The following CCSER1 variants were observed in gnomAD, a reference collection of about 807,000 sequenced individuals.
CCSER1 encodes serine-rich coiled-coil domain-containing protein 1.
In CCSER1, 41 loss-of-function variants were observed where a neutral mutation model predicts 82.0. The observed-to-expected ratio is 0.50, with a 90% CI of 0.39 to 0.65. The LOEUF is 0.65. Ranked by LOEUF, CCSER1 falls within the 30% of genes least tolerant of loss-of-function variation. CCSER1 has a pLI of 0.00. For synonymous variants in CCSER1, 414 were observed against 383.9 expected, an observed-to-expected ratio of 1.08 and a Z score of -0.92; for missense variants, 1,119 against 1,064.2, an observed-to-expected ratio of 1.05 and a Z score of -0.72.
intron 3 of CCSER1, among the ~76,000 whole-genome samples, chr4:90,361,504 T>A (rs1413698809): frequency 2.0e-5 from 3 of 152,224 alleles, no homozygotes; most frequent in South Asian, 2.1e-4. Flanking sequence ...TTTTAAAAAA[T>A]TTTAAGTTTT....
chr4:91,048,895 G>A (rs141166731), intron 9 of CCSER1, among the ~76,000 whole-genome samples: 181 of 152,174 alleles, frequency 1.2e-3, no homozygotes, highest in Middle Eastern at 6.8e-3. Context: ...GATTCTCTGC[G>A]AGTTCATCCC....
chr4:91,448,303 G>T (rs1755683270), intron 10 of CCSER1, among the ~76,000 whole-genome samples: 1 of 151,920 alleles, frequency 6.6e-6, no homozygotes, highest in Admixed American at 6.6e-5. Context: ...CACACTTTCT[G>T]TAAATTCTCC....
chr4:91,131,331 CTT>C (rs34209878), intron 10 of CCSER1, among the ~76,000 whole-genome samples: 230 of 137,716 alleles, frequency 1.7e-3, no homozygotes, highest in African/African-American at 3.0e-3. Context: ...GTTCTCCCCT[CTT>C]TTTTTTTTTT....
chr4:90,646,911 A>C (rs547856968), intron 6 of CCSER1, among the ~76,000 whole-genome samples: 1 of 152,200 alleles, frequency 6.6e-6, no homozygotes, highest in South Asian at 2.1e-4. Flanking sequence ...ATTTCCTTAC[A>C]CAGAACGCAA....
chr4:90,233,036 C>A (rs1463757290), intron 1 of CCSER1, among the ~76,000 whole-genome samples: 3 of 151,898 alleles, frequency 2.0e-5, no homozygotes, highest in African/African-American at 7.3e-5. Context: ...GGACTGTAAG[C>A]TAGTTCAACC....
At chr4:90,529,152 A>G (rs1177851010) in intron 5 of CCSER1, among the ~76,000 whole-genome samples, 5 of 152,268 alleles carry the variant, frequency 3.3e-5, no homozygotes, top group Admixed American at 2.0e-4. Flanking sequence ...ATGTTGTAGT[A>G]CATGTATATA....
chr4:90,454,805 A>G (rs1325786511), intron 4 of CCSER1, among the ~76,000 whole-genome samples: 1 of 152,196 alleles, frequency 6.6e-6, no homozygotes, highest in Non-Finnish European at 1.5e-5. Context: ...AAGCCTCTAT[A>G]TGCAAATGTC....
chr4:90,457,599 G>A (rs758931096), intron 4 of CCSER1, among the ~76,000 whole-genome samples: 4 of 152,202 alleles, frequency 2.6e-5, no homozygotes, highest in African/African-American at 4.8e-5. Flanking sequence ...CCCACAGTGG[G>A]TAGCTCCTCC....
At chr4:90,718,049 C>A (rs1741968374) in intron 6 of CCSER1, among the ~76,000 whole-genome samples, 1 of 151,816 alleles carries the variant, frequency 6.6e-6, no homozygotes, top group Admixed American at 6.6e-5. Flanking sequence ...AGAAAAATAA[C>A]CCATTTATAC....
intron 1 of CCSER1, among the ~76,000 whole-genome samples, chr4:90,256,487 GTGATTC>G (rs1723307858): frequency 6.6e-6 from 1 of 152,058 alleles, no homozygotes; most frequent in African/African-American, 2.4e-5. Flanking sequence ...ATTATGCCTG[GTGATTC>G]TGAAGACATT....
At chr4:91,553,597 T>A (rs751392488) in intron 10 of CCSER1, among the ~76,000 whole-genome samples, 1 of 151,190 alleles carries the variant, frequency 6.6e-6, no homozygotes, top group South Asian at 2.1e-4. Context: ...TCAGTCTCCT[T>A]ACTTATTATT....
rs562872351 is a variant in CCSER1, at chr4:91,148,334, G to T, written c.2217+62340G>T. Among the ~76,000 whole-genome samples the T allele has an allele frequency of 2.8e-4, 43 of 151,874 alleles. 1 individual carries two copies. In the South Asian group the frequency reaches 8.7e-3, roughly 31 times the overall value. On this transcript the variant is annotated intron_variant, in intron 10 of 10. Transcript: ENST00000509176. ...TCATTGAGCTCTTAAGATATACCAC[G>T]CAGAGTTTTCGAAGCTGGAACTCTA...
chr4:91,583,319 A>T (rs765954317), intron 10 of CCSER1, among the ~76,000 whole-genome samples: 15 of 151,436 alleles, frequency 9.9e-5, no homozygotes, highest in Admixed American at 4.0e-4. Context: ...TATGCAAAAA[A>T]AATTGTTCCT....
chr4:90,743,816 A>G (rs922461285), intron 7 of CCSER1, among the ~76,000 whole-genome samples: 2 of 152,178 alleles, frequency 1.3e-5, no homozygotes, highest in African/African-American at 4.8e-5. Context: ...CATGCTAAAG[A>G]CTGATTAGTC....
intron 3 of CCSER1, among the ~76,000 whole-genome samples, chr4:90,385,721 G>T (rs1213699387): frequency 6.6e-6 from 1 of 151,578 alleles, no homozygotes. Context: ...GTTTTAATTT[G>T]CATTTCCCTG....
chr4:90,741,914 A>T (rs75833748), intron 7 of CCSER1, among the ~76,000 whole-genome samples: 1 of 152,116 alleles, frequency 6.6e-6, no homozygotes, highest in African/African-American at 2.4e-5. Context: ...TCATTCTCAC[A>T]CTGCTTTAAA....
intron 8 of CCSER1, among the ~76,000 whole-genome samples, chr4:90,839,960 A>C (rs1343677054): frequency 6.6e-6 from 1 of 152,082 alleles, no homozygotes; most frequent in Non-Finnish European, 1.5e-5. Flanking sequence ...ATGGGATTGA[A>C]GTTATTGTAA....
intron 10 of CCSER1, among the ~76,000 whole-genome samples, chr4:91,468,849 A>C (rs2149441500): frequency 6.6e-6 from 1 of 152,260 alleles, no homozygotes. Flanking sequence ...ATACATCTCA[A>C]GATGTAAGCC....
intron 10 of CCSER1, among the ~76,000 whole-genome samples, chr4:91,106,832 T>G (rs1725665413): frequency 6.6e-6 from 1 of 152,234 alleles, no homozygotes; most frequent in Non-Finnish European, 1.5e-5. Context: ...AGCTATCTAC[T>G]CTATAGATGA....
Sources: gnomAD v4.1 joint callset for allele counts (sites outside exome capture counted in the v4.1 genomes callset) on GRCh38, gnomAD v4.1.1 for gene constraint, MANE v1.5 for transcripts, NCBI Gene and HGNC (gene_info 2026-07-23, HGNC 2026-07-21) for gene names.